ABCA7: variants seen among roughly 807,000 people sequenced by gnomAD.
ABCA7 encodes the protein phospholipid-transporting ATPase ABCA7.
In ABCA7, 261 loss-of-function variants were observed where a neutral mutation model predicts 227.6. That is an observed-to-expected ratio of 1.15 (90% confidence interval 1.04 to 1.27). The LOEUF is 1.27. Among genes scored for constraint, ABCA7 ranks in the 50% most tolerant of loss-of-function variants. The pLI is 0.00. For missense variants in ABCA7, 3,331 were observed against 2,924.5 expected, an observed-to-expected ratio of 1.14 and a Z score of -3.21; for synonymous variants, 1,488 against 1,279.7, an observed-to-expected ratio of 1.16 and a Z score of -3.47.
intron 16 of ABCA7, 93 bp downstream of exon 16, chr19:1,047,747 G>A (rs1405387630): frequency 1.5e-6 from 2 of 1,365,438 alleles, no homozygotes; most frequent in Non-Finnish European, 1.9e-6. Context: ...TTGGGGGTGG[G>A]GGGTGGCTTA....
At chr19:1,048,287 C>A (rs1230325617) in intron 16 of ABCA7, among the ~76,000 whole-genome samples, 1 of 144,530 alleles carries the variant, frequency 6.9e-6, no homozygotes, top group Non-Finnish European at 1.5e-5. Context: ...CATCTGAGGT[C>A]GGGATTTCGA....
At chr19:1,055,819 C>G (rs1599684164) in intron 30 of ABCA7, 88 bp from the exon 31 acceptor site, 1 of 1,356,882 alleles carries the variant, frequency 7.4e-7, no homozygotes, top group East Asian at 2.5e-5. Flanking sequence ...CTGTTTTTGT[C>G]CACCCTTGAC....
At position 1,041,866 on chromosome 19, in the gene ABCA7, A is replaced by C. The variant is rs375082305; in HGVS notation, c.196A>C (p.Thr66Pro). Reference sequence around the variant, plus strand: ...AAACAAGCCACTGCCATCGGCGGGCACCGTGCCCTGGCTCCAGGGTCTCAT... The same window carrying C: ...AAACAAGCCACTGCCATCGGCGGGCCCCGTGCCCTGGCTCCAGGGTCTCAT... ...FPNKPLPSAGTVPWLQGLICN... is the reference protein window; with the variant it reads ...FPNKPLPSAGPVPWLQGLICN... Residue 66 changes from threonine (T) to proline (P), a missense_variant, in exon 4 of 47, where the codon ACC (threonine) becomes CCC (proline). Physicochemically the swap from Thr to Pro is conservative, Grantham distance 38. Coordinates refer to ENST00000263094, the MANE Select transcript of ABCA7 (RefSeq NM_019112.4). 7 of 1,597,820 alleles carry C rather than the reference A, an allele frequency of 4.4e-6. No individual in the cohort carries two copies. The highest frequency in any genetic ancestry group is 1.7e-4 in the Middle Eastern group (1 of 6,048).
Position 1,051,501 on chromosome 19 carries a change from A to T in ABCA7, c.2877A>T (p.Gln959His). 12 of 1,612,398 alleles carry T rather than the reference A, an allele frequency of 7.4e-6. No individual in the cohort carries two copies. The highest frequency in any genetic ancestry group is 1.0e-5 in the Non-Finnish European group (12 of 1,179,836). ...SVAIAFVGGS[Q>H]VVILDEPTAG... ...CCATTGCCTTTGTGGGCGGCTCCCAAGTTGTTATCCTGGACGAGCCTACGG... is the reference window on the plus strand; with the variant it reads ...CCATTGCCTTTGTGGGCGGCTCCCATGTTGTTATCCTGGACGAGCCTACGG... Residue 959 changes from glutamine to histidine, a missense_variant, in exon 21 of 47, where the codon CAA (glutamine) becomes CAT (histidine). Gln to His is a conservative substitution (Grantham distance 24). Transcript: ENST00000263094.
intron 44 of ABCA7, 79 bp downstream of exon 44, chr19:1,063,942 AGGGGAT>A: frequency 6.9e-7 from 1 of 1,450,276 alleles, no homozygotes; most frequent in Non-Finnish European, 9.1e-7. Flanking sequence ...ACAAGGCCAC[AGGGGAT>A]GGGGGGTCCT....
chr19:1,050,756 G>A (rs1351106439), intron 18 of ABCA7, among the ~76,000 whole-genome samples, 165 bp from the exon 19 acceptor site: 2 of 148,798 alleles, frequency 1.3e-5, no homozygotes, highest in African/African-American at 2.5e-5. Context: ...CTCCAGCCTG[G>A]GCAACAGAGT....
chr19:1,057,344 G>A lies in ABCA7; in HGVS notation c.4795G>A (p.Val1599Met), dbSNP rs117187003. 3.3e-3 allele frequency: 5,397 copies of A among 1,613,914 alleles called. 24 individuals carry two copies. Among genetic ancestry groups the A allele is most frequent in the Middle Eastern group, 0.016 (100 of 6,062 alleles). ...CNYLVPACIV[V>M]LIFLAFQQRA... ...CTACTTGGTGCCAGCATGCATCGTG[G>A]TGCTCATCTTTCTGGCCTTCCAGCA... is the stretch of plus-strand genomic sequence containing the variant. The change falls in exon 35 of 47, where the codon GTG (valine) becomes ATG (methionine). Residue 1599 changes from valine (V) to methionine (M), a missense_variant. Val to Met is a conservative substitution (Grantham distance 21). Coordinates refer to ENST00000263094, the MANE Select transcript of ABCA7 (RefSeq NM_019112.4).
At chr19:1,041,749 C>A in intron 3 of ABCA7, 82 bp from the exon 4 acceptor site, 1 of 1,586,344 alleles carries the variant, frequency 6.3e-7, no homozygotes, top group Non-Finnish European at 8.5e-7. Flanking sequence ...TCGCTGGAGG[C>A]ATGCAAGCGG....
intron 34 of ABCA7, 24 bp downstream of exon 34, chr19:1,057,108 G>T: frequency 6.2e-7 from 1 of 1,601,738 alleles, no homozygotes; most frequent in Non-Finnish European, 8.5e-7. Context: ...TTGGACGGGT[G>T]GGGGCCCAGC....
At position 1,050,836 on chromosome 19, in the gene ABCA7, T is replaced by A. The variant is rs76808858; in HGVS notation, c.2553-85T>A. 5.4e-3 allele frequency: 5,828 copies of A among 1,072,384 alleles called. 270 individuals carry two copies. In the African/African-American group the frequency reaches 0.087, roughly 16 times the overall value. 66.4% of individuals were successfully genotyped at this position (1,072,384 alleles called of 1,614,324 possible). A position where few individuals can be genotyped will look rare whatever the true frequency, so the allele number is the denominator to read the frequency against. On this transcript the variant is annotated intron_variant, in intron 18 of 46. Coordinates refer to ENST00000263094, the MANE Select transcript of ABCA7 (RefSeq NM_019112.4). ...ATAATAATAAATAATTAAAAATTTTTTAAAAACAGAAATTAAAAATAGAAG... is the reference window on the plus strand; with the variant it reads ...ATAATAATAAATAATTAAAAATTTTATAAAAACAGAAATTAAAAATAGAAG...
In ABCA7 at chr19:1,054,875, A is replaced by G; in HGVS notation, c.3947A>G (p.His1316Arg). Residue 1316 changes from histidine (H) to arginine (R), a missense_variant, in exon 29 of 47, where the codon CAC becomes CGC. Coordinates refer to ENST00000263094, the MANE Select transcript of ABCA7 (RefSeq NM_019112.4). This position sits in a 1 kb window ranked among gnomAD's most constrained non-coding sequence, Gnocchi z 4.8. The part of the protein sequence containing the change: ...LEEPPVQHSS[H>R]RFSAPEVPAE... ...GAGCCCCCAGTGCAGCATAGCTCCC[A>G]CAGGTGAGGCGTCTTGTTGGCCTGG... The G allele has an allele frequency of 6.4e-7, 1 of 1,557,998 alleles. No homozygotes were observed. Among genetic ancestry groups the G allele is most frequent in the Non-Finnish European group, 8.7e-7 (1 of 1,151,156 alleles).
intron 9 of ABCA7, 56 bp downstream of exon 9, chr19:1,043,529 C>A (rs578025097): frequency 3.7e-6 from 6 of 1,611,966 alleles, no homozygotes; most frequent in Non-Finnish European, 5.1e-6. Flanking sequence ...CCATCCAGTA[C>A]CCTCAGTCCA....
intron 44 of ABCA7, 60 bp downstream of exon 44, chr19:1,063,923 C>G (rs887315617): frequency 1.1e-4 from 169 of 1,470,150 alleles, no homozygotes; most frequent in Non-Finnish European, 1.4e-4. Context: ...GGAGAGAGAG[C>G]CCCAAAGCAC....
Position 1,041,934 on chromosome 19 carries a change from C to A in ABCA7, c.264C>A (p.Gly88=), listed in dbSNP as rs1471242175. ...CCTGCTTTCCGCAGCTGACACCGGG[C>A]GAGGAGCCCGGGCGCCTGAGCAACT... ...NNTCFPQLTP[G]EEPGRLSNFN... Residue 88 remains glycine (G), a synonymous_variant, in exon 4 of 47, where the codon GGC becomes GGA. Transcript: ENST00000263094. 1 of 1,595,504 alleles carries A rather than the reference C, an allele frequency of 6.3e-7. No individual in the cohort carries two copies. The highest frequency in any genetic ancestry group is 1.1e-5 in the South Asian group (1 of 90,050).
chr19:1,047,078 G>A, intron 14 of ABCA7, 54 bp downstream of exon 14: 3 of 1,551,550 alleles, frequency 1.9e-6, no homozygotes, highest in Non-Finnish European at 2.6e-6. Context: ...GAGGGTGACA[G>A]ACAGGGGCGG....
Position 1,063,585 on chromosome 19 carries a change from C to T in ABCA7, c.5754C>T (p.Tyr1918=), listed in dbSNP as rs201050805. The change falls in exon 43 of 47, where the codon TAC becomes TAT. Residue 1918 remains tyrosine, a synonymous_variant. Transcript: ENST00000263094. ...TGGCGCGTCTGGGACTCTCATGGTA[C>T]GCAGACCGGCCTGCAGGCACCTACA... ...SGLARLGLSW[Y]ADRPAGTYSG... is the part of the protein sequence containing the mutation. The T allele has an allele frequency of 8.1e-6, 13 of 1,611,160 alleles. No individual in the cohort carries two copies. The East Asian group carries it at 1.3e-4, about 17-fold the overall frequency.
intron 9 of ABCA7, 126 bp downstream of exon 9, chr19:1,043,599 G>A (rs936652217): frequency 1.3e-5 from 21 of 1,558,486 alleles, no homozygotes; most frequent in East Asian, 6.8e-5. Context: ...GGAGTTAGCC[G>A]ATGGAGGGGG....
rs1314342242 is a variant in ABCA7, at chr19:1,043,436, C to T, written c.893C>T (p.Ala298Val). The part of the protein sequence containing the change: ...KPLILGKLLF[A>V]PDTPFTRKLM... ...CTGATCCTCGGGAAGCTACTCTTTG[C>T]ACCAGATACACCTTTTACCCGGAAG... is the stretch of plus-strand genomic sequence containing the variant. Residue 298 changes from alanine to valine, a missense_variant, in exon 9 of 47, where the codon GCA (alanine) becomes GTA (valine). Transcript: ENST00000263094. The T allele has an allele frequency of 1.9e-6, 3 of 1,613,428 alleles. No homozygotes were observed. The highest frequency in any genetic ancestry group is 1.3e-5 in the African/African-American group (1 of 75,052).
intron 37 of ABCA7, 58 bp downstream of exon 37, chr19:1,058,327 C>G: frequency 6.3e-7 from 1 of 1,598,278 alleles, no homozygotes; most frequent in Non-Finnish European, 8.5e-7. Flanking sequence ...CCTTGGAGAC[C>G]TAGAGTTAAT....
Sources: gnomAD v4.1 joint callset for allele counts (sites outside exome capture counted in the v4.1 genomes callset) on GRCh38, gnomAD v4.1.1 for gene constraint, Gnocchi (gnomAD v3.1) non-coding constraint, MANE v1.5 for transcripts, NCBI Gene and HGNC (gene_info 2026-07-23, HGNC 2026-07-21) for gene names.